The following NTRK3 variants were observed in gnomAD, a reference collection of about 807,000 sequenced individuals.
NTRK3 encodes the protein neurotrophic receptor tyrosine kinase 3, also known as NT-3 growth factor receptor.
Under a neutral mutation model 91.7 loss-of-function variants are expected in NTRK3, and 24 were observed. The ratio of observed to expected loss-of-function variants is 0.26; its 90% CI spans 0.19 to 0.37. The LOEUF is 0.37. Among genes scored for constraint, NTRK3 ranks in the 10% least tolerant of loss-of-function variants. The probability of loss-of-function intolerance (pLI) is 1.00; values close to 1 mark genes in which losing one functional copy is unlikely to be tolerated. For synonymous variants in NTRK3, 483 were observed against 404.0 expected, an observed-to-expected ratio of 1.20 and a Z score of -2.34; for missense variants, 880 against 1,068.9, an observed-to-expected ratio of 0.82 and a Z score of 2.46.
intron 3 of NTRK3, among the ~76,000 whole-genome samples, chr15:88,226,508 C>A (rs1219749628): frequency 6.6e-6 from 1 of 152,226 alleles, no homozygotes; most frequent in Non-Finnish European, 1.5e-5. Context: ...TCCTAGAGAA[C>A]AGTCTGGCTT....
intron 5 of NTRK3, among the ~76,000 whole-genome samples, chr15:88,177,581 G>T (rs1400765184): frequency 6.6e-6 from 1 of 152,220 alleles, no homozygotes; most frequent in Non-Finnish European, 1.5e-5. Flanking sequence ...CCACTTACAA[G>T]AACAAGAAGC....
intron 13 of NTRK3, among the ~76,000 whole-genome samples, chr15:88,064,217 G>C (rs1341146530): frequency 2.0e-5 from 3 of 152,234 alleles, no homozygotes; most frequent in Non-Finnish European, 4.4e-5. Flanking sequence ...TTTGGCAGGA[G>C]CATGGCTCTG....
At chr15:88,161,791 G>C (rs2044477998) in intron 5 of NTRK3, among the ~76,000 whole-genome samples, 1 of 152,170 alleles carries the variant, frequency 6.6e-6, no homozygotes, top group Admixed American at 6.5e-5. Context: ...GATCCCAGCT[G>C]AACAAACATG....
intron 14 of NTRK3, among the ~76,000 whole-genome samples, chr15:88,020,639 C>T (rs916366726): frequency 1.2e-4 from 18 of 152,076 alleles, no homozygotes; most frequent in Admixed American, 2.0e-4. Flanking sequence ...ATTCTCCTAC[C>T]GCTTCATCTC....
chr15:88,051,457 A>G (rs1008936386), intron 13 of NTRK3, among the ~76,000 whole-genome samples: 1 of 152,190 alleles, frequency 6.6e-6, no homozygotes, highest in Non-Finnish European at 1.5e-5. Flanking sequence ...TTGTGACTCC[A>G]TGCTTTTATT....
intron 13 of NTRK3, among the ~76,000 whole-genome samples, chr15:88,042,793 T>C (rs899353819): frequency 1.3e-5 from 2 of 152,104 alleles, no homozygotes; most frequent in Non-Finnish European, 2.9e-5. Context: ...TTATCCCCAG[T>C]GATGTAGTTG....
intron 13 of NTRK3, among the ~76,000 whole-genome samples, chr15:88,059,988 G>C (rs2046065008): frequency 6.6e-6 from 1 of 152,160 alleles, no homozygotes; most frequent in Non-Finnish European, 1.5e-5. Context: ...ACTACCTTGA[G>C]CTTGAACTCC....
At chr15:88,037,845 T>C (rs1159655699) in intron 13 of NTRK3, among the ~76,000 whole-genome samples, 2 of 152,234 alleles carry the variant, frequency 1.3e-5, no homozygotes, top group Non-Finnish European at 2.9e-5. Flanking sequence ...AATGCCTCTG[T>C]GACATTGGTA....
At chr15:87,902,706 G>T (rs1384500027) in intron 17 of NTRK3, among the ~76,000 whole-genome samples, 4 of 152,070 alleles carry the variant, frequency 2.6e-5, no homozygotes, top group Non-Finnish European at 5.9e-5. Context: ...AAGGTAGAGA[G>T]TTTTCTGTCA....
chr15:88,088,964 A>C (rs1567374503), intron 13 of NTRK3, among the ~76,000 whole-genome samples: 1 of 152,178 alleles, frequency 6.6e-6, no homozygotes, highest in East Asian at 1.9e-4. Flanking sequence ...TCCAGTGGGA[A>C]TATGCACAAT....
intron 17 of NTRK3, among the ~76,000 whole-genome samples, chr15:87,907,655 T>C (rs979788709): frequency 4.6e-5 from 7 of 152,162 alleles, no homozygotes; most frequent in African/African-American, 1.7e-4. Context: ...GCAGAACTTG[T>C]GTCTTCTTAG....
chr15:87,916,328 T>C, intron 17 of NTRK3: 1 of 424,728 alleles, frequency 2.4e-6, no homozygotes, highest in East Asian at 3.2e-5. Flanking sequence ...AAAAAGGCCT[T>C]TTGCACTTGA....
chr15:87,866,084 G>C, exon 19 of NTRK3: 1 of 229,196 alleles, frequency 4.4e-6, no homozygotes. Flanking sequence ...CTCATTTAGG[G>C]CTCAAATAAC....
intron 14 of NTRK3, among the ~76,000 whole-genome samples, chr15:87,963,109 A>G (rs1294839306): frequency 6.6e-6 from 1 of 152,182 alleles, no homozygotes; most frequent in Admixed American, 6.5e-5. Context: ...TCTCTGTTAC[A>G]AGATAGCTGT....
At chr15:87,929,196 A>G in exon 17 of NTRK3, 1 of 1,614,170 alleles carries the variant, frequency 6.2e-7, no homozygotes. Flanking sequence ...TTTACCCTGT[A>G]ATAATCCGTG....
At chr15:88,232,083 G>T (rs2141741438) in intron 3 of NTRK3, among the ~76,000 whole-genome samples, 1 of 152,166 alleles carries the variant, frequency 6.6e-6, no homozygotes, top group East Asian at 1.9e-4. Context: ...GCCCCTCCAT[G>T]CTCCCTACCT....
intron 14 of NTRK3, among the ~76,000 whole-genome samples, chr15:88,030,676 C>T (rs771960536): frequency 2.0e-5 from 3 of 151,994 alleles, no homozygotes; most frequent in Non-Finnish European, 4.4e-5. Context: ...CTTTCCTGGT[C>T]ATTTAGGGCC....
At chr15:88,035,561 T>A (rs2079001349) in intron 13 of NTRK3, among the ~76,000 whole-genome samples, 1 of 152,328 alleles carries the variant, frequency 6.6e-6, no homozygotes, top group Middle Eastern at 3.4e-3. Context: ...TCTGTGATCA[T>A]GCCACAGTGA....
chr15:88,206,130 G>C (rs1294447315), intron 3 of NTRK3, among the ~76,000 whole-genome samples: 3 of 151,074 alleles, frequency 2.0e-5, no homozygotes, highest in Middle Eastern at 7.0e-3. Context: ...ACGAGGTCAG[G>C]AGATGGAGAC....
Sources: allele counts gnomAD v4.1 joint callset (sites outside exome capture counted in the v4.1 genomes callset), GRCh38; gene constraint gnomAD v4.1.1; transcripts MANE v1.5; gene names NCBI Gene and HGNC (gene_info 2026-07-23, HGNC 2026-07-21).